The following DMD variants were observed in gnomAD, a reference collection of about 807,000 sequenced individuals.
DMD encodes the protein dystrophin, also known as mutant dystrophin.
Under a neutral mutation model 330.1 loss-of-function variants are expected in DMD, and 63 were observed. The observed-to-expected ratio is 0.19, with a 90% CI of 0.16 to 0.24. DMD has a LOEUF of 0.24. DMD is among the 10% of genes least tolerant of loss of function. The probability of loss-of-function intolerance (pLI) is 1.00; values close to 1 mark genes in which losing one functional copy is unlikely to be tolerated. For missense variants in DMD, 3,344 were observed against 2,684.1 expected (o/e 1.25, Z -5.43); for synonymous variants, 1,223 against 959.8 (o/e 1.27, Z -5.07).
chrX:32,824,358 C>A (rs1226974409), intron 4 of DMD, among the ~76,000 whole-genome samples: 1 of 111,911 alleles, frequency 8.9e-6, no homozygotes, highest in Non-Finnish European at 1.9e-5. Context: ...ACCCAGATGC[C>A]CTCAGGGGTA....
At chrX:32,826,423 G>C (rs1603442013) in intron 4 of DMD, among the ~76,000 whole-genome samples, 2 of 111,405 alleles carry the variant, frequency 1.8e-5, no homozygotes, top group East Asian at 5.7e-4. Context: ...AGCGAAGATA[G>C]GAAATCAACT....
At chrX:31,892,314 G>A (rs1157150511) in intron 47 of DMD, among the ~76,000 whole-genome samples, 1 of 111,405 alleles carries the variant, frequency 9.0e-6, no homozygotes, top group African/African-American at 3.3e-5. Context: ...ATTATACCCT[G>A]TAAATTACGT....
chrX:33,209,544 A>G (rs1211987202), intron 1 of DMD, among the ~76,000 whole-genome samples: 1 of 111,879 alleles, frequency 8.9e-6, no homozygotes, highest in African/African-American at 3.2e-5. Context: ...AACAAAACGT[A>G]CTTTTGTAAG....
chrX:32,491,194 A>G, intron 20 of DMD, 83 bp downstream of exon 20: 1 of 1,121,380 alleles, frequency 8.9e-7, no homozygotes. Context: ...TTTCATTACT[A>G]AATAATTTGT....
At chrX:32,594,380 A>C (rs769822624) in intron 13 of DMD, among the ~76,000 whole-genome samples, 2 of 111,474 alleles carry the variant, frequency 1.8e-5, no homozygotes, top group Non-Finnish European at 1.9e-5. Context: ...GGGCGAAGGA[A>C]GAGAAGGCGT....
At chrX:31,926,289 G>A (rs1258398025) in intron 47 of DMD, among the ~76,000 whole-genome samples, 3 of 111,592 alleles carry the variant, frequency 2.7e-5, no homozygotes, top group African/African-American at 9.8e-5. Context: ...TTACGCTAAT[G>A]GCTATATTCA....
chrX:33,225,700 A>G (rs1180194981), intron 1 of DMD, among the ~76,000 whole-genome samples: 1 of 111,421 alleles, frequency 9.0e-6, no homozygotes, highest in African/African-American at 3.3e-5. Flanking sequence ...GCCTTAAAAG[A>G]CACAATTTGA....
At chrX:31,218,570 T>C (rs1262883396) in intron 64 of DMD, among the ~76,000 whole-genome samples, 1 of 111,944 alleles carries the variant, frequency 8.9e-6, no homozygotes, top group Non-Finnish European at 1.9e-5. Flanking sequence ...CTTCGGGCTA[T>C]AAGGAAATGG....
intron 47 of DMD, among the ~76,000 whole-genome samples, chrX:31,875,787 A>T (rs2093958478): frequency 8.9e-6 from 1 of 112,597 alleles, no homozygotes; most frequent in African/African-American, 3.2e-5. Context: ...CAAGTTATTC[A>T]GCATTAGCAC....
intron 6 of DMD, among the ~76,000 whole-genome samples, chrX:32,815,720 A>T (rs1603436523): frequency 9.1e-6 from 1 of 109,586 alleles, no homozygotes; most frequent in African/African-American, 3.3e-5. Context: ...TTTTCATCTT[A>T]AGAAATATAA....
chrX:32,157,828 C>A (rs2096835808), intron 44 of DMD, among the ~76,000 whole-genome samples: 1 of 111,903 alleles, frequency 8.9e-6, no homozygotes, highest in African/African-American at 3.3e-5. Flanking sequence ...ACCAGACATT[C>A]CTTGGCAGAA....
chrX:31,179,981 A>G (rs146707078), intron 69 of DMD, among the ~76,000 whole-genome samples: 1 of 111,955 alleles, frequency 8.9e-6, no homozygotes, highest in Non-Finnish European at 1.9e-5. Context: ...AACATTGATT[A>G]AAAGTGGTAG....
chrX:32,033,175 C>T (rs10126380), intron 44 of DMD, among the ~76,000 whole-genome samples: 31,590 of 110,290 alleles, frequency 0.29, 3,346 homozygotes, highest in East Asian at 0.39. Context: ...GTATCTAAAA[C>T]AGTCAAACTC....
chrX:32,557,644 A>C (rs1419821985), intron 16 of DMD, among the ~76,000 whole-genome samples: 1 of 111,901 alleles, frequency 8.9e-6, no homozygotes, highest in Non-Finnish European at 1.9e-5. Flanking sequence ...CCATGCTTAA[A>C]AACCAACTCC....
intron 1 of DMD, among the ~76,000 whole-genome samples, chrX:33,265,032 T>C (rs1197358509): frequency 9.0e-6 from 1 of 111,344 alleles, no homozygotes; most frequent in Non-Finnish European, 1.9e-5. Flanking sequence ...AAAGCAATGA[T>C]GCTTGGTGAG....
chrX:31,514,798 G>C (rs2072022359), intron 55 of DMD, among the ~76,000 whole-genome samples: 1 of 111,661 alleles, frequency 9.0e-6, no homozygotes, highest in South Asian at 3.7e-4. Flanking sequence ...ATACGATTGG[G>C]AAATTGGAAC....
At chrX:32,653,733 A>G (rs1277855089) in intron 9 of DMD, among the ~76,000 whole-genome samples, 4 of 111,770 alleles carry the variant, frequency 3.6e-5, no homozygotes, top group Middle Eastern at 4.6e-3. Flanking sequence ...CATTGAATCT[A>G]TAAATTACCT....
At chrX:31,867,266 A>G (rs2093817055) in intron 48 of DMD, among the ~76,000 whole-genome samples, 1 of 109,789 alleles carries the variant, frequency 9.1e-6, no homozygotes, top group Admixed American at 9.8e-5. Context: ...TCTTATCAGA[A>G]TAAGTACCTG....
chrX:33,032,519 C>T (rs1404111815), intron 1 of DMD, among the ~76,000 whole-genome samples: 3 of 111,317 alleles, frequency 2.7e-5, no homozygotes, highest in Admixed American at 9.6e-5. Context: ...GGTTGTATTC[C>T]ATCATTAAAT....
Sources: allele counts gnomAD v4.1 joint callset (sites outside exome capture counted in the v4.1 genomes callset), GRCh38; gene constraint gnomAD v4.1.1; transcripts MANE v1.5; gene names NCBI Gene and HGNC (gene_info 2026-07-23, HGNC 2026-07-21).